DDHD1: variants seen among roughly 807,000 people sequenced by gnomAD.
DDHD1 encodes the protein phospholipase DDHD1.
A neutral mutation model predicts 96.4 loss-of-function variants in DDHD1; 49 were observed. That is an observed-to-expected ratio of 0.51 (90% CI 0.40 to 0.64). The LOEUF is 0.64. DDHD1 is among the 30% of genes least tolerant of loss of function. The pLI, the probability that DDHD1 is intolerant of heterozygous loss-of-function variation, is 0.00. For synonymous variants in DDHD1, 442 were observed against 446.5 expected (o/e 0.99, Z 0.13); for missense variants, 1,106 against 1,161.2 (o/e 0.95, Z 0.69).
chr14:53,080,753 C>T (rs1885401259), intron 4 of DDHD1, among the ~76,000 whole-genome samples: 1 of 106,884 alleles, frequency 9.4e-6, no homozygotes, highest in Non-Finnish European at 1.7e-5. Flanking sequence ...TGAGGTCTTG[C>T]TATGTTGCCC....
chr14:53,093,517 C>A lies in DDHD1; in HGVS notation c.1013-73G>T, dbSNP rs1595163035. On this transcript the variant is annotated intron_variant, in intron 2 of 12. Coordinates refer to ENST00000673822, the MANE Select transcript of DDHD1 (RefSeq NM_001160148.2). The stretch of plus-strand genomic sequence containing the variant: ...TATTTGTTTGAAGAATTATAACACT[C>A]AGATTTTAAAATCAATATGTTATCT... The A allele has an allele frequency of 5.8e-6, 9 of 1,549,274 alleles. No homozygotes were observed. In the East Asian group the frequency reaches 1.8e-4, roughly 32 times the overall value.
chr14:53,109,472 G>C (rs1367659717), intron 1 of DDHD1, among the ~76,000 whole-genome samples: 2 of 152,184 alleles, frequency 1.3e-5, no homozygotes, highest in African/African-American at 4.8e-5. Context: ...AGCAGCAACA[G>C]GAACCATTGT....
rs144805908 is a variant in DDHD1 at position 53,107,528 on chromosome 14, T to C, written c.839-3672A>G. Among the ~76,000 whole-genome samples, 89 of 152,306 alleles carry C rather than the reference T, an allele frequency of 5.8e-4. 5 individuals carry two copies. The East Asian group carries it at 0.017, about 29-fold the overall frequency. On this transcript the variant is annotated intron_variant, in intron 1 of 12. Coordinates refer to ENST00000673822, the MANE Select transcript of DDHD1 (RefSeq NM_001160148.2). ...AATTGTGGCTGGATACAGTGGCTAA[T>C]GCCTGTAATCCCAGTACTTTGGGAG...
At chr14:53,078,038 T>C (rs1418079347) in intron 4 of DDHD1, among the ~76,000 whole-genome samples, 4 of 152,192 alleles carry the variant, frequency 2.6e-5, no homozygotes, top group African/African-American at 9.6e-5. Context: ...AGTTGATGGA[T>C]GTTTGTGTTG....
intron 1 of DDHD1, among the ~76,000 whole-genome samples, chr14:53,111,530 T>C (rs1888104461): frequency 6.6e-6 from 1 of 152,216 alleles, no homozygotes; most frequent in African/African-American, 2.4e-5. Flanking sequence ...ACCTGTGTAC[T>C]GTAGACTTTG....
At chr14:53,114,309 C>A (rs1423574522) in intron 1 of DDHD1, among the ~76,000 whole-genome samples, 2 of 152,222 alleles carry the variant, frequency 1.3e-5, no homozygotes, top group East Asian at 3.9e-4. Context: ...CAGATTTAAT[C>A]TTTCCTGCCT....
intron 4 of DDHD1, among the ~76,000 whole-genome samples, chr14:53,087,331 T>A (rs987359703): frequency 1.8e-4 from 27 of 152,060 alleles, no homozygotes; most frequent in African/African-American, 5.8e-4. Context: ...TCTGCAGACC[T>A]CTCCACCCCA....
At chr14:53,148,803 T>C (rs1378311816) in intron 1 of DDHD1, among the ~76,000 whole-genome samples, 1 of 152,214 alleles carries the variant, frequency 6.6e-6, no homozygotes, top group African/African-American at 2.4e-5. Context: ...TGGTTAACCT[T>C]ACTAACCTGT....
intron 2 of DDHD1, among the ~76,000 whole-genome samples, chr14:53,095,424 A>G (rs557562489): frequency 2.0e-5 from 3 of 152,336 alleles, no homozygotes; most frequent in East Asian, 1.9e-4. Flanking sequence ...ATGTATGATC[A>G]TAAGACATTT....
intron 1 of DDHD1, among the ~76,000 whole-genome samples, chr14:53,123,090 G>A (rs1339822444): frequency 6.7e-6 from 1 of 150,264 alleles, no homozygotes; most frequent in Non-Finnish European, 1.5e-5. Flanking sequence ...TTTGTACAGA[G>A]ACACAAATGT....
chr14:53,139,509 T>C (rs1447518289), intron 1 of DDHD1, among the ~76,000 whole-genome samples: 1 of 152,070 alleles, frequency 6.6e-6, no homozygotes, highest in Non-Finnish European at 1.5e-5. Context: ...AGTACAGCAA[T>C]AATGAAACCC....
In DDHD1 at chr14:53,152,879, GGTC is replaced by G; in HGVS notation, c.217_219del (p.Asp73del). The G allele has an allele frequency of 6.2e-7, 1 of 1,610,252 alleles. No individual in the cohort carries two copies. The highest frequency in any genetic ancestry group is 1.1e-5 in the South Asian group (1 of 90,760). On this transcript the variant is annotated inframe_deletion, in exon 1 of 13. Coordinates refer to ENST00000673822, the MANE Select transcript of DDHD1 (RefSeq NM_001160148.2). ...GGGTCCAGCGCGAGGTGGTGGTTGTGGTCGTCGGTGCCCGGCGCCAAATGCAGC... is the reference window on the plus strand; with the variant it reads ...GGGTCCAGCGCGAGGTGGTGGTTGTGGTCGGTGCCCGGCGCCAAATGCAGC...
chr14:53,148,918 C>T (rs1891172968), intron 1 of DDHD1, among the ~76,000 whole-genome samples: 1 of 152,150 alleles, frequency 6.6e-6, no homozygotes, highest in Non-Finnish European at 1.5e-5. Flanking sequence ...TATAATAATC[C>T]TCAAAACAAG....
chr14:53,096,087 C>G (rs1239003728), intron 2 of DDHD1: 1 of 950,752 alleles, frequency 1.1e-6, no homozygotes, highest in East Asian at 1.2e-4. Flanking sequence ...AATATAACTA[C>G]ATGGAGAAAT....
intron 1 of DDHD1, among the ~76,000 whole-genome samples, chr14:53,121,935 A>AG (rs1566585648): frequency 2.7e-5 from 4 of 149,836 alleles, no homozygotes; most frequent in African/African-American, 9.8e-5. Context: ...AAAAAAAAAA[A>AG]GGGCAAATGA....
intron 1 of DDHD1, among the ~76,000 whole-genome samples, chr14:53,119,323 T>C (rs1360340020): frequency 6.6e-6 from 1 of 152,142 alleles, no homozygotes; most frequent in Non-Finnish European, 1.5e-5. Flanking sequence ...ATATTAACCT[T>C]AAATGTAAAT....
At chr14:53,150,620 G>A (rs1261196822) in intron 1 of DDHD1, among the ~76,000 whole-genome samples, 1 of 151,968 alleles carries the variant, frequency 6.6e-6, no homozygotes, top group Admixed American at 6.6e-5. Context: ...CTTGGTTTCC[G>A]TCCCCTCTCC....
At chr14:53,079,397 G>A (rs888391509) in intron 4 of DDHD1, among the ~76,000 whole-genome samples, 2 of 151,982 alleles carry the variant, frequency 1.3e-5, no homozygotes, top group East Asian at 1.9e-4. Flanking sequence ...TGCTTTACTT[G>A]TTACAGGTCT....
At chr14:53,092,056 G>A in intron 3 of DDHD1, 124 bp from the exon 4 acceptor site, 1 of 899,028 alleles carries the variant, frequency 1.1e-6, no homozygotes, top group Non-Finnish European at 1.6e-6. Context: ...CTGTGGGGGA[G>A]GAAATAAAAA....
Sources: gnomAD v4.1 joint callset for allele counts (sites outside exome capture counted in the v4.1 genomes callset) on GRCh38, gnomAD v4.1.1 for gene constraint, MANE v1.5 for transcripts, NCBI Gene and HGNC (gene_info 2026-07-23, HGNC 2026-07-21) for gene names.